MAN1C1: variants seen among roughly 807,000 people sequenced by gnomAD.
MAN1C1 encodes the protein mannosidase alpha class 1C member 1.
MAN1C1 carries 49 observed loss-of-function variants against 71.5 expected under a neutral mutation model. The ratio of observed to expected loss-of-function variants is 0.69; its 90% CI spans 0.54 to 0.87. The LOEUF (loss-of-function observed/expected upper bound fraction) is 0.87, where lower values mean the gene tolerates loss of function less well. Among genes scored for constraint, MAN1C1 ranks in the 40% least tolerant of loss-of-function variants. MAN1C1 has a pLI of 0.00. For synonymous variants in MAN1C1, 352 were observed against 343.7 expected (o/e 1.02, Z -0.27); for missense variants, 743 against 835.0 (o/e 0.89, Z 1.36).
chr1:25,643,592 A>T (rs1036705426), intron 1 of MAN1C1, among the ~76,000 whole-genome samples: 2 of 141,672 alleles, frequency 1.4e-5, no homozygotes, highest in Non-Finnish European at 3.0e-5. Context: ...TATATTTATT[A>T]TTATTATTAT....
chr1:25,778,319 G>A lies in MAN1C1; in HGVS notation c.1472G>A (p.Arg491His), dbSNP rs146718720. The A allele has an allele frequency of 2.4e-5, 39 of 1,607,270 alleles. No homozygotes were observed. Among genetic ancestry groups the A allele is most frequent in the African/African-American group, 1.5e-4 (11 of 74,630 alleles). ...AAGACGTGTCACGAGTCATACGCCC[G>A]CTCAGGTAACCCTGCAAGGGGAAGG... is the stretch of plus-strand genomic sequence containing the variant. Reference protein sequence around the residue: ...ITKTCHESYARSDTKLGPEAF... With the variant: ...ITKTCHESYAHSDTKLGPEAF... The change falls in exon 9 of 12, where the codon CGC (arginine) becomes CAC (histidine). Residue 491 changes from arginine to histidine, a missense_variant. Arg to His is a conservative substitution (Grantham distance 29, BLOSUM62 0). Transcript: ENST00000374332. The surrounding 1 kb of genome is among the most constrained non-coding windows in gnomAD (Gnocchi z 5.5).
At chr1:25,686,321 A>G in intron 1 of MAN1C1, 119 bp from the exon 2 acceptor site, 1 of 809,748 alleles carries the variant, frequency 1.2e-6, no homozygotes, top group Non-Finnish European at 2.1e-6. Context: ...CCAATTTGGA[A>G]AATTTGGAAG....
chr1:25,771,880 C>T (rs1197617267), intron 8 of MAN1C1, 108 bp downstream of exon 8: 5 of 768,302 alleles, frequency 6.5e-6, no homozygotes, highest in South Asian at 1.6e-5. Context: ...CCGAGACTTG[C>T]TCCCACCCCC....
At position 25,783,779 on chromosome 1, in the gene MAN1C1, G is replaced by C; in HGVS notation, c.1883G>C (p.Gly628Ala). ...NHSDSSGRAW[G>A]RH ...TCAGACAGCTCCGGCAGAGCCTGGG[G>C]CAGACACTGACCCCATCTCCTGCCG... Residue 628 changes from glycine to alanine, a missense_variant, in exon 12 of 12, where the codon GGC becomes GCC. By Grantham distance (60) the Gly-to-Ala change is moderately conservative. Transcript: ENST00000374332. 1.2e-6 allele frequency: 2 copies of C among 1,611,006 alleles called. No homozygotes were observed. The highest frequency in any genetic ancestry group is 1.7e-6 in the Non-Finnish European group (2 of 1,179,964).
At chr1:25,672,632 C>G (rs1045699985) in intron 1 of MAN1C1, among the ~76,000 whole-genome samples, 2 of 152,134 alleles carry the variant, frequency 1.3e-5, no homozygotes, top group African/African-American at 4.8e-5. Context: ...GGGCCCACCC[C>G]GATAATCAGG....
intron 3 of MAN1C1, among the ~76,000 whole-genome samples, chr1:25,748,409 C>G (rs2047167019): frequency 6.6e-6 from 1 of 152,218 alleles, no homozygotes; most frequent in Admixed American, 6.5e-5. Context: ...GCAAAGCATG[C>G]TGAGGGAACC....
chr1:25,748,314 C>T (rs895526981), intron 3 of MAN1C1, among the ~76,000 whole-genome samples: 10 of 152,180 alleles, frequency 6.6e-5, no homozygotes, highest in African/African-American at 1.9e-4. Context: ...TGAAGGGGAG[C>T]GGTTTTGCAG....
At chr1:25,620,750 G>C (rs1292353504) in intron 1 of MAN1C1, among the ~76,000 whole-genome samples, 1 of 152,154 alleles carries the variant, frequency 6.6e-6, no homozygotes, top group Non-Finnish European at 1.5e-5. Context: ...TAAATATCAG[G>C]AGAGAGAGAA....
rs949820565 is a variant in MAN1C1 at position 25,769,911 on chromosome 1, C to T, written c.1142-1746C>T. Among the ~76,000 whole-genome samples, 1 of 152,156 alleles carries T rather than the reference C, an allele frequency of 6.6e-6. No homozygotes were observed. Among genetic ancestry groups the T allele is most frequent in the Non-Finnish European group, 1.5e-5 (1 of 68,020 alleles). On this transcript the variant is annotated intron_variant, in intron 7 of 11. Coordinates refer to ENST00000374332, the MANE Select transcript of MAN1C1 (RefSeq NM_020379.4). The surrounding 1 kb of genome is among the most constrained non-coding windows in gnomAD (Gnocchi z 4.8). The stretch of plus-strand genomic sequence containing the variant: ...TGTTTCACTTAATCCCCGTGGCCAC[C>T]CTATGGGGAGGGACCGGGAGCAGGC...
At chr1:25,733,408 C>T (rs890190285) in intron 2 of MAN1C1, among the ~76,000 whole-genome samples, 4 of 152,128 alleles carry the variant, frequency 2.6e-5, no homozygotes, top group Non-Finnish European at 4.4e-5. Flanking sequence ...CCCCCTTTCC[C>T]GCTGCACACA....
intron 1 of MAN1C1, among the ~76,000 whole-genome samples, chr1:25,630,357 G>A (rs529618368): frequency 3.3e-5 from 5 of 152,090 alleles, no homozygotes; most frequent in East Asian, 1.9e-4. Flanking sequence ...TGTTGTTTTT[G>A]CTTAGGTTTG....
At chr1:25,718,580 C>T (rs2046715203) in intron 2 of MAN1C1, among the ~76,000 whole-genome samples, 1 of 152,194 alleles carries the variant, frequency 6.6e-6, no homozygotes, top group South Asian at 2.1e-4. Flanking sequence ...GTGCCCATCA[C>T]AGTCGCTTCC....
chr1:25,669,458 A>G (rs1572136094), intron 1 of MAN1C1, among the ~76,000 whole-genome samples: 1 of 152,198 alleles, frequency 6.6e-6, no homozygotes, highest in Non-Finnish European at 1.5e-5. Context: ...GGGCTGGTAC[A>G]TGGAGGTGCT....
At chr1:25,739,934 C>T (rs1204558802) in intron 2 of MAN1C1, among the ~76,000 whole-genome samples, 2 of 152,128 alleles carry the variant, frequency 1.3e-5, no homozygotes, top group Non-Finnish European at 2.9e-5. Flanking sequence ...GTGAATGCGC[C>T]ACAGCCCCCC....
At chr1:25,678,778 C>T (rs1029447909) in intron 1 of MAN1C1, among the ~76,000 whole-genome samples, 3 of 152,004 alleles carry the variant, frequency 2.0e-5, no homozygotes, top group Admixed American at 6.6e-5. Flanking sequence ...GTTTACAAAG[C>T]CTTTGTAATA....
chr1:25,729,002 C>T (rs1347552084), intron 2 of MAN1C1, among the ~76,000 whole-genome samples: 1 of 152,226 alleles, frequency 6.6e-6, no homozygotes, highest in South Asian at 2.1e-4. Context: ...AAATGCTGTT[C>T]CAGCCTTCTC....
chr1:25,763,688 AC>A (rs2047390651), intron 6 of MAN1C1, 185 bp from the exon 7 acceptor site: 1 of 592,590 alleles, frequency 1.7e-6, no homozygotes, highest in African/African-American at 1.9e-5. Context: ...TTCACGTGGC[AC>A]CAGGGCAAGG....
chr1:25,781,044 A>T lies in MAN1C1; in HGVS notation c.1582A>T (p.Ser528Cys). The change falls in exon 10 of 12, where the codon AGC becomes TGC. Residue 528 changes from serine to cysteine, a missense_variant. Physicochemically the swap from Ser to Cys is moderately radical, Grantham distance 112. Coordinates refer to ENST00000374332, the MANE Select transcript of MAN1C1 (RefSeq NM_020379.4). ...YYILRPEVVE[S>C]YMYLWRQTHN... is the part of the protein sequence containing the mutation. ...CATCCTCCGGCCAGAGGTGGTGGAG[A>T]GCTACATGTACCTGTGGCGACAGAC... 1.2e-6 allele frequency: 2 copies of T among 1,614,028 alleles called. No individual in the cohort carries two copies. The highest frequency in any genetic ancestry group is 2.7e-5 in the African/African-American group (2 of 74,996).
chr1:25,619,082 T>C (rs2045164416), intron 1 of MAN1C1, among the ~76,000 whole-genome samples: 1 of 152,234 alleles, frequency 6.6e-6, no homozygotes, highest in Non-Finnish European at 1.5e-5. Context: ...TCACTTTAAG[T>C]CTGAGTCTTA....
Sources: gnomAD v4.1 joint callset for allele counts (sites outside exome capture counted in the v4.1 genomes callset) on GRCh38, gnomAD v4.1.1 for gene constraint, Gnocchi (gnomAD v3.1) non-coding constraint, MANE v1.5 for transcripts, NCBI Gene and HGNC (gene_info 2026-07-23, HGNC 2026-07-21) for gene names.